The following CREB5 variants were observed in gnomAD, a reference collection of about 807,000 sequenced individuals.
CREB5 encodes cAMP responsive element binding protein 5, also known as cyclic AMP-responsive element-binding protein 5.
Under a neutral mutation model 57.1 loss-of-function variants are expected in CREB5, and 19 were observed. The observed-to-expected ratio is 0.33, with a 90% CI of 0.23 to 0.49. The LOEUF (loss-of-function observed/expected upper bound fraction) is 0.49. Among genes scored for constraint, CREB5 ranks in the 20% least tolerant of loss-of-function variants. The pLI, the probability that CREB5 is intolerant of heterozygous loss-of-function variation, is 0.99. For missense variants in CREB5, 579 were observed against 671.6 expected, an observed-to-expected ratio of 0.86 and a Z score of 1.52; for synonymous variants, 238 against 238.3, an observed-to-expected ratio of 1.00 and a Z score of 0.01.
chr7:28,501,816 A>C (rs1011749240), intron 3 of CREB5, among the ~76,000 whole-genome samples: 8 of 152,196 alleles, frequency 5.3e-5, no homozygotes, highest in Non-Finnish European at 1.5e-5. Context: ...GGTGTGGAAT[A>C]TATAATTGGT....
chr7:28,674,544 T>C (rs1408931768), intron 5 of CREB5, among the ~76,000 whole-genome samples: 1 of 152,206 alleles, frequency 6.6e-6, no homozygotes, highest in Non-Finnish European at 1.5e-5. Context: ...TCAATCAGAA[T>C]TGATTCCCAT....
intron 1 of CREB5, among the ~76,000 whole-genome samples, chr7:28,418,200 G>A (rs1303214027): frequency 1.3e-5 from 2 of 152,146 alleles, no homozygotes; most frequent in Admixed American, 1.3e-4. Flanking sequence ...CAAGATGTTA[G>A]TTATAACCTC....
chr7:28,606,533 C>G (rs1012841425), intron 5 of CREB5, among the ~76,000 whole-genome samples: 1 of 152,186 alleles, frequency 6.6e-6, no homozygotes, highest in Non-Finnish European at 1.5e-5. Context: ...AGAAGTGGCT[C>G]ATGCCCATCT....
At chr7:28,606,296 G>A (rs990908395) in intron 5 of CREB5, among the ~76,000 whole-genome samples, 1 of 152,044 alleles carries the variant, frequency 6.6e-6, no homozygotes, top group Admixed American at 6.6e-5. Context: ...ATGCTTGTGG[G>A]TAGAATTATT....
rs2128588279 is a variant in CREB5 at position 28,479,038 on chromosome 7, G to A, written c.4-9137G>A. ...TGCCCGAGTTTTTCAGAGCTCTTGG[G>A]AAAGTATAAAGAGGTGGGGACGCAC... is the stretch of plus-strand genomic sequence containing the variant. On this transcript the variant is annotated intron_variant, in intron 1 of 10. Transcript: ENST00000357727. 2.0e-5 allele frequency among the ~76,000 whole-genome samples: 3 copies of A among 152,318 alleles called. No individual in the cohort carries two copies. The South Asian group carries it at 6.2e-4, about 32-fold the overall frequency.
intron 5 of CREB5, 102 bp downstream of exon 5, chr7:28,570,639 G>T (rs1210709936): frequency 4.4e-6 from 6 of 1,351,642 alleles, no homozygotes; most frequent in Non-Finnish European, 6.1e-6. Context: ...GGTTTTTCTG[G>T]CTGTCATGAT....
At chr7:28,697,583 GC>G (rs1349238783) in intron 5 of CREB5, among the ~76,000 whole-genome samples, 2 of 151,804 alleles carry the variant, frequency 1.3e-5, no homozygotes, top group Non-Finnish European at 2.9e-5. Flanking sequence ...TCTAGTTCTG[GC>G]CTTCAATGAT....
chr7:28,590,672 T>TATA (rs71555752), intron 5 of CREB5, among the ~76,000 whole-genome samples: 10,555 of 142,834 alleles, frequency 0.074, 441 homozygotes, highest in African/African-American at 0.099. Context: ...GAACTTAAAG[T>TATA]ATAATAATAA....
At chr7:28,399,258 C>T (rs1787398127) in intron 1 of CREB5, among the ~76,000 whole-genome samples, 1 of 140,110 alleles carries the variant, frequency 7.1e-6, no homozygotes. Flanking sequence ...ATAGACAAAG[C>T]TAAAAGTAAA....
intron 7 of CREB5, among the ~76,000 whole-genome samples, chr7:28,767,330 T>C (rs1475725146): frequency 6.6e-6 from 1 of 152,312 alleles, no homozygotes; most frequent in South Asian, 2.1e-4. Context: ...ATATCGAACA[T>C]AGAGAGAAAG....
chr7:28,732,686 T>C (rs1803718504), intron 7 of CREB5, among the ~76,000 whole-genome samples: 1 of 152,030 alleles, frequency 6.6e-6, no homozygotes. Flanking sequence ...TAATGAAAGT[T>C]TGCTTTGCAC....
At chr7:28,776,439 T>C (rs1806648295) in intron 7 of CREB5, among the ~76,000 whole-genome samples, 2 of 152,218 alleles carry the variant, frequency 1.3e-5, no homozygotes, top group African/African-American at 4.8e-5. Context: ...GTTCAGAATT[T>C]GACATGAAAA....
At position 28,560,817 on chromosome 7, in the gene CREB5, TGTGTGC is replaced by T. The variant is rs759789241; in HGVS notation, c.292-9546_292-9541del. 6.8e-3 allele frequency among the ~76,000 whole-genome samples: 642 copies of T among 94,704 alleles called. 65 individuals are homozygous for T. The highest frequency in any genetic ancestry group is 0.033 in the Middle Eastern group (5 of 150). 62.1% of individuals were successfully genotyped at this position (94,704 alleles called of 152,430 possible). A position where few individuals can be genotyped will look rare whatever the true frequency, so the allele number is the denominator to read the frequency against. The stretch of plus-strand genomic sequence containing the variant: ...TCCACAGTGTGTGTGCGCGTGTGTG[TGTGTGC>T]GCGCGCGCGCGTGTGTGTGTGCGCG... On this transcript the variant is annotated intron_variant, in intron 4 of 10. Coordinates refer to ENST00000357727, the MANE Select transcript of CREB5 (RefSeq NM_182898.4).
At position 28,737,581 on chromosome 7, in the gene CREB5, AT is replaced by A. The variant is rs1562606912; in HGVS notation, c.702+13250del. Among the ~76,000 whole-genome samples the A allele has an allele frequency of 5.8e-3, 157 of 27,150 alleles. 2 individuals carry two copies. The Middle Eastern group carries it at 0.06, about 10-fold the overall frequency. 17.8% of individuals were successfully genotyped at this position (27,150 alleles called of 152,430 possible). On this transcript the variant is annotated intron_variant, in intron 7 of 10. Coordinates refer to ENST00000357727, the MANE Select transcript of CREB5 (RefSeq NM_182898.4). ...TATATATATATATATATATATATAT[AT>A]ATATATTTTTAACTCCTGTTTCAAA...
intron 5 of CREB5, among the ~76,000 whole-genome samples, chr7:28,667,633 A>G (rs1449167786): frequency 6.6e-6 from 1 of 152,160 alleles, no homozygotes; most frequent in Non-Finnish European, 1.5e-5. Context: ...TAAAAAAGAA[A>G]ACTTCTTGGT....
chr7:28,717,967 T>G (rs1476294954), intron 5 of CREB5, among the ~76,000 whole-genome samples: 3 of 152,238 alleles, frequency 2.0e-5, no homozygotes, highest in Non-Finnish European at 4.4e-5. Context: ...CTCTGGCTCA[T>G]TAAATCAATT....
intron 1 of CREB5, among the ~76,000 whole-genome samples, chr7:28,430,768 C>T (rs1788679852): frequency 6.6e-6 from 1 of 152,156 alleles, no homozygotes; most frequent in Non-Finnish European, 1.5e-5. Context: ...GCATCATCCC[C>T]CTAACAACAT....
intron 5 of CREB5, among the ~76,000 whole-genome samples, chr7:28,614,413 A>G (rs985958957): frequency 6.6e-6 from 1 of 152,210 alleles, no homozygotes; most frequent in Non-Finnish European, 1.5e-5. Flanking sequence ...CAAAGCTGCC[A>G]TTGTCACTTA....
chr7:28,339,148 G>A (rs12669710), intron 1 of CREB5, among the ~76,000 whole-genome samples: 55,824 of 151,866 alleles, frequency 0.37, 10,734 homozygotes, highest in Non-Finnish European at 0.43. Flanking sequence ...ATTTGGTGAG[G>A]TCATGTTTTC....
Sources: gnomAD v4.1 joint callset for allele counts (sites outside exome capture counted in the v4.1 genomes callset) on GRCh38, gnomAD v4.1.1 for gene constraint, MANE v1.5 for transcripts, NCBI Gene and HGNC (gene_info 2026-07-23, HGNC 2026-07-21) for gene names.